PALD1: variants seen among roughly 807,000 people sequenced by gnomAD.
The protein encoded by PALD1 is phosphatase domain containing paladin 1.
Under a neutral mutation model 96.0 loss-of-function variants are expected in PALD1, and 57 were observed. That is an observed-to-expected ratio of 0.59 (90% CI 0.48 to 0.74). The LOEUF is 0.74. Ranked by LOEUF, PALD1 falls within the 30% of genes least tolerant of loss-of-function variation. The pLI is 0.00. For missense variants in PALD1, 1,063 were observed against 1,143.7 expected, an observed-to-expected ratio of 0.93 and a Z score of 1.02; for synonymous variants, 464 against 473.6, an observed-to-expected ratio of 0.98 and a Z score of 0.26.
intron 1 of PALD1, among the ~76,000 whole-genome samples, chr10:70,499,397 CT>C: frequency 6.6e-6 from 1 of 152,370 alleles, no homozygotes; most frequent in South Asian, 2.1e-4. Flanking sequence ...CTGAAAGCCT[CT>C]TTATGCAGCA....
chr10:70,547,440 C>T lies in PALD1; in HGVS notation c.2256C>T (p.Tyr752=). Residue 752 remains tyrosine, a synonymous_variant, in exon 18 of 20, where the codon TAC becomes TAT. Coordinates refer to ENST00000263563, the MANE Select transcript of PALD1 (RefSeq NM_014431.3). ...TGCGGGAGATCATCATCTGCACCTA[C>T]CGCCAGGTGAGCCCCCACCCCACCC... is the stretch of plus-strand genomic sequence containing the variant. ...YHLREIIICT[Y]RQAKAAKEAQ... is the part of the protein sequence containing the mutation. 2 of 1,604,712 alleles carry T rather than the reference C, an allele frequency of 1.2e-6. No homozygotes were observed. Among genetic ancestry groups the T allele is most frequent in the East Asian group, 4.5e-5 (2 of 44,750 alleles).
Position 70,539,629 on chromosome 10 carries a change from A to G in PALD1, c.1775A>G (p.Lys592Arg). 2 of 1,613,090 alleles carry G rather than the reference A, an allele frequency of 1.2e-6. No individual in the cohort carries two copies. Among genetic ancestry groups the G allele is most frequent in the African/African-American group, 1.3e-5 (1 of 74,918 alleles). ...KAHLSEPPPG[K>R]EGPLTYRFQT... is the part of the protein sequence containing the mutation. ...CATCTAAGCGAGCCTCCCCCAGGCA[A>G]GGAGGGCCCCCTGACCTACAGGTTC... Residue 592 changes from lysine to arginine, a missense_variant, in exon 15 of 20, where the codon AAG becomes AGG. Lys to Arg is a conservative substitution (Grantham distance 26). Coordinates refer to ENST00000263563, the MANE Select transcript of PALD1 (RefSeq NM_014431.3). This position sits in a 1 kb window ranked among gnomAD's most constrained non-coding sequence, Gnocchi z 4.5.
chr10:70,549,435 CT>C (rs1339281456), intron 18 of PALD1, among the ~76,000 whole-genome samples: 3 of 152,256 alleles, frequency 2.0e-5, no homozygotes, highest in Non-Finnish European at 4.4e-5. Flanking sequence ...ATAGGCCCCC[CT>C]TCCTCTGAGC....
intron 1 of PALD1, among the ~76,000 whole-genome samples, chr10:70,483,798 C>T (rs1845972518): frequency 1.3e-5 from 2 of 152,204 alleles, no homozygotes; most frequent in Admixed American, 1.3e-4. Context: ...AAGGAGTTAA[C>T]CCCTTTCCTG....
Position 70,547,342 on chromosome 10 carries a change from C to T in PALD1, c.2158C>T (p.His720Tyr), listed in dbSNP as rs146828127. The T allele has an allele frequency of 2.0e-4, 318 of 1,613,266 alleles. 1 individual carries two copies. In the African/African-American group the frequency reaches 3.6e-3, roughly 18 times the overall value. Residue 720 changes from histidine to tyrosine, a missense_variant, in exon 18 of 20, where the codon CAC becomes TAC. By Grantham distance (83) the His-to-Tyr change is moderately conservative. Coordinates refer to ENST00000263563, the MANE Select transcript of PALD1 (RefSeq NM_014431.3). The stretch of plus-strand genomic sequence containing the variant: ...GGTGGTGCAGCTGCTACCCGATGGG[C>T]ACCGTGTGAAGAAGGAGGTGGACGC... ...MKVVQLLPDG[H>Y]RVKKEVDAAL...
At chr10:70,533,113 T>C (rs1249783473) in intron 7 of PALD1, 43 bp downstream of exon 7, 1 of 1,507,284 alleles carries the variant, frequency 6.6e-7, no homozygotes, top group South Asian at 1.2e-5. Context: ...GTCTTGAGAG[T>C]CGTCCCCATG....
chr10:70,559,685 G>A (rs923437133), intron 18 of PALD1, among the ~76,000 whole-genome samples: 5 of 152,170 alleles, frequency 3.3e-5, no homozygotes, highest in African/African-American at 1.2e-4. Flanking sequence ...AGGAGTCCCG[G>A]GTTCTGGCCT....
At chr10:70,507,618 C>T (rs887594458) in intron 1 of PALD1, among the ~76,000 whole-genome samples, 7 of 152,118 alleles carry the variant, frequency 4.6e-5, no homozygotes, top group South Asian at 2.1e-4. Context: ...GATGGGGTTT[C>T]GCCACGTTGC....
At chr10:70,564,712 TTGTC>T (rs2132451859) in intron 19 of PALD1, among the ~76,000 whole-genome samples, 193 bp downstream of exon 19, 1 of 152,302 alleles carries the variant, frequency 6.6e-6, no homozygotes, top group African/African-American at 2.4e-5. Context: ...CCCGAGCAGT[TTGTC>T]TGTGCCTGGC....
At chr10:70,462,053 A>G in the PALD1 span, among the ~76,000 whole-genome samples, 2 of 152,124 alleles carry the variant, frequency 1.3e-5, no homozygotes, top group African/African-American at 2.4e-5. Context: ...TCAGCTTCCC[A>G]TAGTGCTGGG....
chr10:70,464,327 T>A, the PALD1 span, among the ~76,000 whole-genome samples: 1 of 148,988 alleles, frequency 6.7e-6, no homozygotes. Flanking sequence ...TTCTTCCACC[T>A]CAGCCTCCTG....
chr10:70,465,550 C>G, the PALD1 span, among the ~76,000 whole-genome samples: 1 of 152,110 alleles, frequency 6.6e-6, no homozygotes, highest in African/African-American at 2.4e-5. Flanking sequence ...TCAAAATAAC[C>G]CTGCCAATTA....
the PALD1 span, among the ~76,000 whole-genome samples, chr10:70,464,026 C>T: frequency 6.6e-6 from 1 of 152,080 alleles, no homozygotes; most frequent in South Asian, 2.1e-4. Context: ...TGCGTTTGTC[C>T]ACGTAACCCC....
chr10:70,565,009 G>A (rs763456931), intron 19 of PALD1, among the ~76,000 whole-genome samples: 4 of 152,188 alleles, frequency 2.6e-5, no homozygotes, highest in Non-Finnish European at 4.4e-5. Context: ...ACAGCTGCTG[G>A]CCTTAGCACT....
chr10:70,564,642 A>T (rs889725764), intron 19 of PALD1, 123 bp downstream of exon 19: 1 of 873,424 alleles, frequency 1.1e-6, no homozygotes, highest in African/African-American at 1.7e-5. Context: ...AAGAGCCCCC[A>T]TCCCCCTTTC....
chr10:70,552,624 A>G (rs1847504301), intron 18 of PALD1, among the ~76,000 whole-genome samples: 1 of 151,958 alleles, frequency 6.6e-6, no homozygotes, highest in Non-Finnish European at 1.5e-5. Context: ...ATTTTAAAGC[A>G]CATCGCAGTC....
At chr10:70,518,034 AC>A (rs1383254735) in intron 1 of PALD1, among the ~76,000 whole-genome samples, 1 of 151,580 alleles carries the variant, frequency 6.6e-6, no homozygotes, top group African/African-American at 2.4e-5. Context: ...TTCCCGAGTA[AC>A]TGGGATTACA....
chr10:70,537,366 C>T (rs536005954), intron 10 of PALD1, among the ~76,000 whole-genome samples: 95 of 152,332 alleles, frequency 6.2e-4, no homozygotes, highest in Non-Finnish European at 1.0e-3. Context: ...AGCCTCCCAA[C>T]GTGCTGGGAC....
At chr10:70,481,381 T>C (rs543994838) in intron 1 of PALD1, among the ~76,000 whole-genome samples, 1 of 152,316 alleles carries the variant, frequency 6.6e-6, no homozygotes, top group Admixed American at 6.5e-5. Context: ...GTACAGGTGC[T>C]CTGTGGTGGA....
Sources: allele counts gnomAD v4.1 joint callset (sites outside exome capture counted in the v4.1 genomes callset), GRCh38; gene constraint gnomAD v4.1.1; non-coding constraint Gnocchi (gnomAD v3.1); transcripts MANE v1.5; gene names NCBI Gene and HGNC (gene_info 2026-07-23, HGNC 2026-07-21).